Variants in DSG2 observed in about 807,000 individuals in gnomAD.
DSG2 encodes desmoglein 2.
A neutral mutation model predicts 75.6 loss-of-function variants in DSG2; 45 were observed. That is an observed-to-expected ratio of 0.60 (90% CI 0.47 to 0.76). The LOEUF (loss-of-function observed/expected upper bound fraction) is 0.76, where lower values mean the gene tolerates loss of function less well. DSG2 is among the 30% of genes least tolerant of loss of function. The pLI, the probability that DSG2 is intolerant of heterozygous loss-of-function variation, is 0.00. For synonymous variants in DSG2, 429 were observed against 483.9 expected, an observed-to-expected ratio of 0.89 and a Z score of 1.49; for missense variants, 1,267 against 1,357.4, an observed-to-expected ratio of 0.93 and a Z score of 1.05.
chr18:31,520,957 T>A lies in DSG2; in HGVS notation c.371T>A (p.Phe124Tyr). Residue 124 changes from phenylalanine (F) to tyrosine (Y), a missense_variant, in exon 4 of 15, where the codon TTT becomes TAT. Physicochemically the swap from Phe to Tyr is conservative, Grantham distance 22. Coordinates refer to ENST00000261590, the MANE Select transcript of DSG2 (RefSeq NM_001943.5). Reference protein sequence around the residue: ...TSILDREETPFFLLTGYALDA... With the variant: ...TSILDREETPYFLLTGYALDA... ...ATTCTTGATCGAGAAGAAACACCAT[T>A]TTTTCTGGTAAGAAGAATAATTTTA... 6.2e-7 allele frequency: 1 copy of A among 1,613,652 alleles called. No individual in the cohort carries two copies. Among genetic ancestry groups the A allele is most frequent in the Non-Finnish European group, 8.5e-7 (1 of 1,179,850 alleles).
In DSG2 at chr18:31,529,000, A is replaced by G. The variant is rs374093297; in HGVS notation, c.1015-1987A>G. 5.4e-4 allele frequency among the ~76,000 whole-genome samples: 82 copies of G among 152,278 alleles called. 1 individual carries two copies. In the South Asian group the frequency reaches 0.016, roughly 30 times the overall value. ...TTAAAATGGGCAAATTTTATTGTAT[A>G]TAAGTTATACCTGAATGAAGCTGTC... On this transcript the variant is annotated intron_variant, in intron 8 of 14. Transcript: ENST00000261590.
At chr18:31,519,463 C>T (rs1212984439) in intron 2 of DSG2, among the ~76,000 whole-genome samples, 1 of 152,106 alleles carries the variant, frequency 6.6e-6, no homozygotes, top group Non-Finnish European at 1.5e-5. Context: ...TCTTAGGAGG[C>T]TGAGGCAGGA....
intron 1 of DSG2, among the ~76,000 whole-genome samples, chr18:31,499,060 C>T (rs2073000228): frequency 6.7e-6 from 1 of 150,356 alleles, no homozygotes; most frequent in African/African-American, 2.4e-5. Context: ...TTCTTTTGCT[C>T]AAATTGGATT....
Position 31,531,064 on chromosome 18 carries a change from T to C in DSG2, c.1092T>C (p.Ile364=). ...ATAAAGCAGCTTTTCACAAGTCGAT[T>C]AGGAGTAAATACAAGCCTACACCCA... The part of the protein sequence containing the change: ...VANKAAFHKS[I]RSKYKPTPIP... Residue 364 remains isoleucine, a synonymous_variant, in exon 9 of 15, where the codon ATT becomes ATC. Coordinates refer to ENST00000261590, the MANE Select transcript of DSG2 (RefSeq NM_001943.5). 1 of 1,614,118 alleles carries C rather than the reference T, an allele frequency of 6.2e-7. No individual in the cohort carries two copies. The highest frequency in any genetic ancestry group is 8.5e-7 in the Non-Finnish European group (1 of 1,179,984).
chr18:31,531,916 G>A lies in DSG2; in HGVS notation c.1280+664G>A, dbSNP rs117491387. Among the ~76,000 whole-genome samples, 186 of 152,300 alleles carry A rather than the reference G, an allele frequency of 1.2e-3. 2 individuals are homozygous for A. The East Asian group carries it at 0.034, about 28-fold the overall frequency. ...GTAAATTTACATCTTAGATCTCAGT[G>A]CCGTGCCACGGAAAGACCATTCTCT... On this transcript the variant is annotated intron_variant, in intron 9 of 14. Coordinates refer to ENST00000261590, the MANE Select transcript of DSG2 (RefSeq NM_001943.5).
At position 31,547,234 on chromosome 18, in the gene DSG2, T is replaced by C; in HGVS notation, c.*491T>C. The C allele has an allele frequency of 4.3e-6, 1 of 232,078 alleles. No individual in the cohort carries two copies. The highest frequency in any genetic ancestry group is 8.5e-6 in the Non-Finnish European group (1 of 117,454). 14.4% of individuals were successfully genotyped at this position (232,078 alleles called of 1,614,324 possible). A position where few individuals can be genotyped will look rare whatever the true frequency, so the allele number is the denominator to read the frequency against. On this transcript the variant is annotated 3_prime_UTR_variant, in exon 15 of 15. Transcript: ENST00000261590. ...ATACATGCACAGTCTGAGCACCAGC[T>C]ATGGTGCTCATAACTTCTTTAAGAC... is the stretch of plus-strand genomic sequence containing the variant.
Position 31,535,292 on chromosome 18 carries a change from G to C in DSG2, c.1303G>C (p.Asp435His), listed in dbSNP as rs370509593. The C allele has an allele frequency of 1.3e-6, 2 of 1,593,352 alleles. No homozygotes were observed. The highest frequency in any genetic ancestry group is 1.1e-5 in the South Asian group (1 of 90,084). Residue 435 changes from aspartate (D) to histidine (H), a missense_variant, in exon 10 of 15, where the codon GAT becomes CAT. Coordinates refer to ENST00000261590, the MANE Select transcript of DSG2 (RefSeq NM_001943.5). Reference protein sequence around the residue: ...HARYVKLEDRDNWISVDSVTS... With the variant: ...HARYVKLEDRHNWISVDSVTS... ...CAGATATGTAAAATTAGAAGATAGAGATAATTGGATCTCTGTGGATTCTGT... is the reference window on the plus strand; with the variant it reads ...CAGATATGTAAAATTAGAAGATAGACATAATTGGATCTCTGTGGATTCTGT...
chr18:31,530,192 TTTC>T (rs1422436453), intron 8 of DSG2, among the ~76,000 whole-genome samples: 1 of 152,102 alleles, frequency 6.6e-6, no homozygotes, highest in African/African-American at 2.4e-5. Flanking sequence ...AATCTCTAGG[TTTC>T]TTCTTTACTC....
At chr18:31,519,050 T>C (rs1446562307) in intron 2 of DSG2, among the ~76,000 whole-genome samples, 1 of 152,232 alleles carries the variant, frequency 6.6e-6, no homozygotes. Flanking sequence ...TTTATATCAA[T>C]AGATTACTAA....
chr18:31,507,870 G>C (rs2073047106), intron 1 of DSG2, among the ~76,000 whole-genome samples: 1 of 152,160 alleles, frequency 6.6e-6, no homozygotes, highest in African/African-American at 2.4e-5. Context: ...CTCCCATTCT[G>C]TAGGTTGCCT....
intron 8 of DSG2, among the ~76,000 whole-genome samples, chr18:31,525,938 C>T (rs1384818110): frequency 6.6e-6 from 1 of 152,008 alleles, no homozygotes; most frequent in Non-Finnish European, 1.5e-5. Flanking sequence ...GTCAGGAGTT[C>T]GAGACCAGCC....
intron 2 of DSG2, among the ~76,000 whole-genome samples, chr18:31,519,056 A>G (rs1333854180): frequency 2.6e-5 from 4 of 152,268 alleles, no homozygotes; most frequent in Non-Finnish European, 5.9e-5. Flanking sequence ...TCAATAGATT[A>G]CTAAGATTTA....
intron 14 of DSG2, among the ~76,000 whole-genome samples, chr18:31,543,864 T>TAAAA (rs576034927): frequency 1.1e-5 from 1 of 94,846 alleles, no homozygotes; most frequent in East Asian, 2.6e-4. Flanking sequence ...AAACTCTGTC[T>TAAAA]AAAAAAAAAA....
At chr18:31,533,991 C>CT (rs55789239) in intron 9 of DSG2, among the ~76,000 whole-genome samples, 14,279 of 125,894 alleles carry the variant, frequency 0.11, 1,139 homozygotes, top group African/African-American at 0.19. Context: ...TCTTTTTTTT[C>CT]TTTTTTTTTT....
intron 1 of DSG2, among the ~76,000 whole-genome samples, chr18:31,516,767 T>C (rs2073096783): frequency 6.6e-6 from 1 of 152,198 alleles, no homozygotes; most frequent in Non-Finnish European, 1.5e-5. Context: ...ATAATAGGTT[T>C]CTAGAGTTGA....
chr18:31,505,482 A>T (rs937127196), intron 1 of DSG2, among the ~76,000 whole-genome samples: 1 of 152,118 alleles, frequency 6.6e-6, no homozygotes, highest in Non-Finnish European at 1.5e-5. Flanking sequence ...TCAGAGCAAG[A>T]TCTTTGTATC....
intron 1 of DSG2, among the ~76,000 whole-genome samples, chr18:31,505,322 A>G (rs919034632): frequency 6.6e-6 from 1 of 152,164 alleles, no homozygotes. Flanking sequence ...GCCCATTGCT[A>G]TCTCCTTGCT....
intron 8 of DSG2, among the ~76,000 whole-genome samples, chr18:31,527,392 T>C (rs991982088): frequency 9.2e-5 from 14 of 152,188 alleles, no homozygotes; most frequent in Non-Finnish European, 5.9e-5. Flanking sequence ...AAGCAATGCA[T>C]GACTGTATTT....
chr18:31,531,767 C>G (rs964274549), intron 9 of DSG2, among the ~76,000 whole-genome samples: 5 of 152,232 alleles, frequency 3.3e-5, no homozygotes, highest in African/African-American at 1.2e-4. Context: ...TTGTCTTGAT[C>G]ATGGTGACCT....
Sources: allele counts gnomAD v4.1 joint callset (sites outside exome capture counted in the v4.1 genomes callset), GRCh38; gene constraint gnomAD v4.1.1; transcripts MANE v1.5; gene names NCBI Gene and HGNC (gene_info 2026-07-23, HGNC 2026-07-21).